SESTD1: variants seen among roughly 807,000 people sequenced by gnomAD.
The protein encoded by SESTD1 is SEC14 domain and spectrin repeat-containing protein 1.
Under a neutral mutation model 101.7 loss-of-function variants are expected in SESTD1, and 43 were observed. The ratio of observed to expected loss-of-function variants is 0.42; its 90% confidence interval spans 0.33 to 0.55. The LOEUF (loss-of-function observed/expected upper bound fraction) is 0.55. Among genes scored for constraint, SESTD1 ranks in the 20% least tolerant of loss-of-function variants. SESTD1 has a pLI of 0.07. For missense variants in SESTD1, 647 were observed against 815.1 expected (o/e 0.79, Z 2.51); for synonymous variants, 283 against 286.8 (o/e 0.99, Z 0.13).
At chr2:179,168,406 C>A (rs982587968) in intron 5 of SESTD1, among the ~76,000 whole-genome samples, 2 of 151,990 alleles carry the variant, frequency 1.3e-5, no homozygotes, top group Non-Finnish European at 2.9e-5. Context: ...AGGCTATTAG[C>A]ATTTAAGTTC....
At chr2:179,135,176 C>T (rs2105431737) in intron 9 of SESTD1, among the ~76,000 whole-genome samples, 1 of 152,246 alleles carries the variant, frequency 6.6e-6, no homozygotes, top group East Asian at 1.9e-4. Context: ...AACTCCTGAC[C>T]TCGTGATGCA....
At chr2:179,232,517 G>C (rs1027960771) in intron 1 of SESTD1, among the ~76,000 whole-genome samples, 1 of 151,952 alleles carries the variant, frequency 6.6e-6, no homozygotes, top group Non-Finnish European at 1.5e-5. Context: ...AGCGACAAGG[G>C]AGACGACACA....
rs754285420 is a variant in SESTD1 at position 179,206,129 on chromosome 2, G to T, written c.-25-14263C>A. ...CAATAAAATGTTAAATAACATGAAGGTGGAAAATGGCAAATAGGAGACAGG... is the reference window on the plus strand; with the variant it reads ...CAATAAAATGTTAAATAACATGAAGTTGGAAAATGGCAAATAGGAGACAGG... On this transcript the variant is annotated intron_variant, in intron 1 of 17. Coordinates refer to ENST00000428443, the MANE Select transcript of SESTD1 (RefSeq NM_178123.5). 1.9e-4 allele frequency among the ~76,000 whole-genome samples: 26 copies of T among 135,076 alleles called. 3 individuals are homozygous for T. The highest frequency in any genetic ancestry group is 7.2e-5 in the Admixed American group (1 of 13,880). 88.6% of individuals were successfully genotyped at this position (135,076 alleles called of 152,430 possible).
chr2:179,134,982 T>C (rs2045106574), intron 9 of SESTD1, among the ~76,000 whole-genome samples: 1 of 152,210 alleles, frequency 6.6e-6, no homozygotes, highest in Non-Finnish European at 1.5e-5. Flanking sequence ...TCTTGCTCTG[T>C]TGTCCAGGCT....
intron 1 of SESTD1, among the ~76,000 whole-genome samples, chr2:179,256,486 T>C (rs1232066559): frequency 6.6e-6 from 1 of 152,178 alleles, no homozygotes; most frequent in Non-Finnish European, 1.5e-5. Flanking sequence ...AGCCTGAAGA[T>C]GTGACTGAAT....
chr2:179,184,320 G>A (rs1052592672), intron 2 of SESTD1, among the ~76,000 whole-genome samples: 2 of 152,072 alleles, frequency 1.3e-5, no homozygotes, highest in African/African-American at 2.4e-5. Context: ...CCACATGATC[G>A]CTAGACATCT....
chr2:179,243,637 G>C (rs1027151761), intron 1 of SESTD1, among the ~76,000 whole-genome samples: 3 of 151,944 alleles, frequency 2.0e-5, no homozygotes, highest in African/African-American at 4.8e-5. Flanking sequence ...GGACATCATC[G>C]TAAGTGAATT....
intron 1 of SESTD1, among the ~76,000 whole-genome samples, chr2:179,233,098 T>C (rs533071413): frequency 1.1e-3 from 170 of 152,292 alleles, no homozygotes; most frequent in South Asian, 2.5e-3. Context: ...AATGTCTCTA[T>C]TGGTATTTCA....
chr2:179,165,993 C>G (rs1327531479), intron 5 of SESTD1, among the ~76,000 whole-genome samples: 2 of 152,178 alleles, frequency 1.3e-5, no homozygotes, highest in Non-Finnish European at 2.9e-5. Flanking sequence ...ACCAATTAAC[C>G]TGGAATCTAA....
intron 7 of SESTD1, 92 bp downstream of exon 7, chr2:179,149,205 A>T: frequency 1.2e-6 from 1 of 800,914 alleles, no homozygotes; most frequent in Non-Finnish European, 1.9e-6. Context: ...TGTTTACTGT[A>T]GTTCTTTTAG....
chr2:179,146,314 C>CA, intron 8 of SESTD1, 88 bp downstream of exon 8: 2 of 1,251,074 alleles, frequency 1.6e-6, no homozygotes, highest in Non-Finnish European at 2.3e-6. Flanking sequence ...ACATGTACCA[C>CA]ATTCATGCTG....
chr2:179,143,710 T>C lies in SESTD1; in HGVS notation c.731A>G (p.Gln244Arg), dbSNP rs559125433. The change falls in exon 9 of 18, where the codon CAG (glutamine) becomes CGG (arginine). Residue 244 changes from glutamine (Q) to arginine (R), a missense_variant. Physicochemically the swap from Gln to Arg is conservative, Grantham distance 43. Transcript: ENST00000428443. The part of the protein sequence containing the change: ...WSPMDDELLA[Q>R]PQVMKLLDSL... Reference sequence around the variant, plus strand: ...ATCTAATAATTTCATAACCTGTGGCTGTGCAAGAAGTTCATCATCCATAGG... The same window carrying C: ...ATCTAATAATTTCATAACCTGTGGCCGTGCAAGAAGTTCATCATCCATAGG... The C allele has an allele frequency of 3.7e-6, 6 of 1,614,100 alleles. No individual in the cohort carries two copies. In the African/African-American group the frequency reaches 5.3e-5, roughly 14 times the overall value.
rs933966862 is a variant in SESTD1 at position 179,197,017 on chromosome 2, C to A, written c.-25-5151G>T. Among the ~76,000 whole-genome samples the A allele has an allele frequency of 7.2e-5, 11 of 152,078 alleles. No homozygotes were observed. The East Asian group carries it at 2.1e-3, about 29-fold the overall frequency. On this transcript the variant is annotated intron_variant, in intron 1 of 17. Coordinates refer to ENST00000428443, the MANE Select transcript of SESTD1 (RefSeq NM_178123.5). ...AGACGATCAAATTTCTCTGTACCTA[C>A]GGGAGGACATGCAAACCAAAGGCAA...
At chr2:179,139,839 A>T (rs1453923237) in intron 9 of SESTD1, among the ~76,000 whole-genome samples, 1 of 152,162 alleles carries the variant, frequency 6.6e-6, no homozygotes, top group East Asian at 1.9e-4. Flanking sequence ...ACTCCAGCTC[A>T]GAACTCCTCG....
chr2:179,112,620 A>G, intron 17 of SESTD1, 104 bp downstream of exon 17: 2 of 1,393,132 alleles, frequency 1.4e-6, no homozygotes, highest in Non-Finnish European at 1.9e-6. Flanking sequence ...GATGTGGACC[A>G]AACCTAATTT....
rs1368803995 is a variant in SESTD1 at position 179,206,242 on chromosome 2, A to G, written c.-25-14376T>C. Among the ~76,000 whole-genome samples the G allele has an allele frequency of 1.5e-5, 2 of 135,600 alleles. 1 individual carries two copies. The highest frequency in any genetic ancestry group is 5.8e-5 in the African/African-American group (2 of 34,370). The allele number at this position is 135,600 out of a possible 152,430, so 89.0% of individuals were successfully genotyped here. A position where few individuals can be genotyped will look rare whatever the true frequency, so the allele number is the denominator to read the frequency against. On this transcript the variant is annotated intron_variant, in intron 1 of 17. Coordinates refer to ENST00000428443, the MANE Select transcript of SESTD1 (RefSeq NM_178123.5). ...TTGTTCCAAGAATGACCACAGGAAC[A>G]TAACAGGAAAACTAAAGAGTTCACA...
chr2:179,115,350 G>T, intron 15 of SESTD1, 94 bp from the exon 16 acceptor site: 1 of 849,624 alleles, frequency 1.2e-6, no homozygotes, highest in Non-Finnish European at 1.8e-6. Context: ...ACAGTTAAGT[G>T]ACACTACTAG....
intron 17 of SESTD1, among the ~76,000 whole-genome samples, chr2:179,111,815 G>A (rs1415412904): frequency 1.3e-5 from 2 of 151,404 alleles, no homozygotes; most frequent in East Asian, 3.9e-4. Flanking sequence ...CGCCTCCCAG[G>A]TTCATGCCAT....
chr2:179,102,829 A>G lies in SESTD1; in HGVS notation c.*7070T>C, dbSNP rs1299969596. 6.6e-6 allele frequency: 1 copy of G among 152,024 alleles called. No individual in the cohort carries two copies. Among genetic ancestry groups the G allele is most frequent in the Non-Finnish European group, 1.5e-5 (1 of 67,982 alleles). The allele number at this position is 152,024 out of a possible 1,614,324, so 9.4% of individuals were successfully genotyped here. ...TATTGAAAATATTTTTAAACGCTAAAATGTCCCGTAAAAGCATAGCTATCC... is the reference window on the plus strand; with the variant it reads ...TATTGAAAATATTTTTAAACGCTAAGATGTCCCGTAAAAGCATAGCTATCC... On this transcript the variant is annotated 3_prime_UTR_variant, in exon 18 of 18. Transcript: ENST00000428443.
Sources: gnomAD v4.1 joint callset for allele counts (sites outside exome capture counted in the v4.1 genomes callset) on GRCh38, gnomAD v4.1.1 for gene constraint, MANE v1.5 for transcripts, NCBI Gene and HGNC (gene_info 2026-07-23, HGNC 2026-07-21) for gene names.